CSMD1: variants seen among roughly 807,000 people sequenced by gnomAD.
The protein encoded by CSMD1 is CUB and Sushi multiple domains 1.
CSMD1 carries 213 observed loss-of-function variants against 417.5 expected under a neutral mutation model. The observed-to-expected ratio is 0.51, with a 90% CI of 0.46 to 0.57. The LOEUF is 0.57. Among genes scored for constraint, CSMD1 ranks in the 20% least tolerant of loss-of-function variants. CSMD1 has a pLI of 0.00. For missense variants in CSMD1, 6,923 were observed against 4,529.7 expected (o/e 1.53, Z -15.17); for synonymous variants, 2,862 against 1,736.8 (o/e 1.65, Z -16.11).
chr8:4,566,252 C>A (rs1401776692), intron 2 of CSMD1, among the ~76,000 whole-genome samples: 2 of 151,948 alleles, frequency 1.3e-5, no homozygotes, highest in African/African-American at 4.8e-5. Flanking sequence ...TTCACTAAAA[C>A]ACTGGTACCT....
chr8:4,122,141 G>A (rs919314140), intron 3 of CSMD1, among the ~76,000 whole-genome samples: 4 of 151,928 alleles, frequency 2.6e-5, no homozygotes, highest in African/African-American at 9.7e-5. Context: ...ACTACATAAT[G>A]TCGCTAAGTT....
chr8:4,668,124 G>A (rs984315151), intron 1 of CSMD1, among the ~76,000 whole-genome samples: 1 of 151,994 alleles, frequency 6.6e-6, no homozygotes. Flanking sequence ...ATATTGCCTC[G>A]TATCAAACTC....
At chr8:4,657,851 G>A (rs145645712) in intron 1 of CSMD1, among the ~76,000 whole-genome samples, 374 of 151,962 alleles carry the variant, frequency 2.5e-3, no homozygotes, top group Middle Eastern at 0.01. Context: ...GAAACCAGGA[G>A]AATGGCATCT....
At chr8:4,288,719 A>C (rs1797197193) in intron 3 of CSMD1, among the ~76,000 whole-genome samples, 2 of 152,118 alleles carry the variant, frequency 1.3e-5, no homozygotes, top group South Asian at 2.1e-4. Context: ...TTTTAAGCAA[A>C]TCTATGATTC....
intron 1 of CSMD1, among the ~76,000 whole-genome samples, chr8:4,674,276 T>C (rs948353082): frequency 6.6e-6 from 1 of 152,114 alleles, no homozygotes; most frequent in African/African-American, 2.4e-5. Flanking sequence ...ATGTTGAGTC[T>C]GGCATGTGCA....
intron 3 of CSMD1, among the ~76,000 whole-genome samples, chr8:4,305,638 T>A (rs953742094): frequency 6.6e-6 from 1 of 152,156 alleles, no homozygotes; most frequent in Non-Finnish European, 1.5e-5. Flanking sequence ...GCTGAAGGAC[T>A]CAAAAAGGCA....
At chr8:4,236,033 TTGTTTG>T (rs1563316541) in intron 3 of CSMD1, among the ~76,000 whole-genome samples, 9 of 11,354 alleles carry the variant, frequency 7.9e-4, no homozygotes, top group Non-Finnish European at 1.4e-3. Flanking sequence ...ATTGTTTTTT[TTGTTTG>T]TTTTTTTTTT....
At chr8:3,299,285 C>G (rs556911945) in intron 25 of CSMD1, among the ~76,000 whole-genome samples, 34 of 152,110 alleles carry the variant, frequency 2.2e-4, no homozygotes, top group African/African-American at 7.2e-4. Flanking sequence ...AACCCTGTCT[C>G]TACTAAAAAT....
chr8:4,293,217 C>T (rs764662165), intron 3 of CSMD1, among the ~76,000 whole-genome samples: 7 of 152,108 alleles, frequency 4.6e-5, no homozygotes, highest in African/African-American at 1.4e-4. Flanking sequence ...CCAATGATGC[C>T]GTCCTCAAGG....
At chr8:4,460,177 T>G (rs4875347) in intron 2 of CSMD1, among the ~76,000 whole-genome samples, 1 of 151,938 alleles carries the variant, frequency 6.6e-6, no homozygotes. Flanking sequence ...CTGAGCTCAA[T>G]GCAAGAAAAT....
intron 5 of CSMD1, among the ~76,000 whole-genome samples, chr8:3,913,613 G>A (rs1325562282): frequency 3.3e-5 from 5 of 152,204 alleles, no homozygotes; most frequent in South Asian, 2.1e-4. Flanking sequence ...TGGCAAGAAT[G>A]TACTTAGGGA....
intron 5 of CSMD1, among the ~76,000 whole-genome samples, chr8:3,791,802 G>T (rs928447988): frequency 6.6e-6 from 1 of 151,774 alleles, no homozygotes; most frequent in African/African-American, 2.4e-5. Context: ...CAGCCTGGGT[G>T]ACAGAATAAG....
chr8:4,742,607 C>A (rs934837775), intron 1 of CSMD1, among the ~76,000 whole-genome samples: 2 of 151,828 alleles, frequency 1.3e-5, no homozygotes, highest in African/African-American at 4.8e-5. Context: ...AAGTTGAATT[C>A]CTTTTATTAA....
chr8:3,946,112 G>C (rs912887455), intron 5 of CSMD1, among the ~76,000 whole-genome samples: 8 of 152,036 alleles, frequency 5.3e-5, no homozygotes, highest in African/African-American at 1.9e-4. Flanking sequence ...CTTGCACCTT[G>C]GAACTGATTC....
chr8:3,781,368 C>T (rs117678858), intron 5 of CSMD1, among the ~76,000 whole-genome samples: 41 of 152,166 alleles, frequency 2.7e-4, no homozygotes, highest in Non-Finnish European at 5.0e-4. Context: ...TCAGGTCAAG[C>T]GCATTCTATA....
At chr8:3,766,995 G>C (rs1584965140) in intron 5 of CSMD1, among the ~76,000 whole-genome samples, 2 of 152,212 alleles carry the variant, frequency 1.3e-5, no homozygotes, top group East Asian at 3.8e-4. Flanking sequence ...GAAAAGACCA[G>C]CAGCCCTCAA....
At chr8:4,303,162 A>T (rs114970948) in intron 3 of CSMD1, among the ~76,000 whole-genome samples, 2 of 152,170 alleles carry the variant, frequency 1.3e-5, no homozygotes, top group African/African-American at 4.8e-5. Flanking sequence ...CCTCAAACAT[A>T]TAATAGGGCA....
In CSMD1 at chr8:4,532,769, G is replaced by A. The variant is rs370193315; in HGVS notation, c.302+104573C>T. Among the ~76,000 whole-genome samples, 49 of 125,098 alleles carry A rather than the reference G, an allele frequency of 3.9e-4. 2 individuals are homozygous for A. In the East Asian group the frequency reaches 5.9e-3, roughly 15 times the overall value. 82.1% of individuals were successfully genotyped at this position (125,098 alleles called of 152,430 possible). A position where few individuals can be genotyped will look rare whatever the true frequency, so the allele number is the denominator to read the frequency against. The stretch of plus-strand genomic sequence containing the variant: ...TCCTGCACCCCCATTCAGTCACTCC[G>A]GAAGAGAAATCGTGCACCCCCAATC... On this transcript the variant is annotated intron_variant, in intron 2 of 69. Coordinates refer to ENST00000635120, the MANE Select transcript of CSMD1 (RefSeq NM_033225.6).
chr8:4,049,512 G>A (rs1163930362), intron 3 of CSMD1, among the ~76,000 whole-genome samples: 3 of 149,518 alleles, frequency 2.0e-5, no homozygotes, highest in Non-Finnish European at 3.0e-5. Flanking sequence ...AATAAGATTG[G>A]AATCTACACT....
Sources: gnomAD v4.1 joint callset for allele counts (sites outside exome capture counted in the v4.1 genomes callset) on GRCh38, gnomAD v4.1.1 for gene constraint, MANE v1.5 for transcripts, NCBI Gene and HGNC (gene_info 2026-07-23, HGNC 2026-07-21) for gene names.